Variants in CSGALNACT2 observed in about 807,000 individuals in gnomAD.
CSGALNACT2 encodes the protein chondroitin sulfate N-acetylgalactosaminyltransferase 2.
Under a neutral mutation model 55.3 loss-of-function variants are expected in CSGALNACT2, and 35 were observed. The observed-to-expected ratio is 0.63, with a 90% CI of 0.48 to 0.84. The LOEUF is 0.84. Ranked by LOEUF, CSGALNACT2 falls within the 40% of genes least tolerant of loss-of-function variation. The pLI is 0.00. For missense variants in CSGALNACT2, 544 were observed against 657.5 expected (o/e 0.83, Z 1.89); for synonymous variants, 196 against 224.9 (o/e 0.87, Z 1.15).
chr10:43,179,359 A>G (rs1224630294), intron 7 of CSGALNACT2, among the ~76,000 whole-genome samples: 1 of 147,390 alleles, frequency 6.8e-6, no homozygotes, highest in Non-Finnish European at 1.5e-5. Flanking sequence ...GCAACTCTGG[A>G]TACTGATTTC....
Position 43,157,520 on chromosome 10 carries a change from C to T in CSGALNACT2, c.662-1195C>T, listed in dbSNP as rs541856492. Among the ~76,000 whole-genome samples, 26 of 152,284 alleles carry T rather than the reference C, an allele frequency of 1.7e-4. No homozygotes were observed. In the South Asian group the frequency reaches 5.2e-3, roughly 30 times the overall value. Reference sequence around the variant, plus strand: ...ATCTGCAACCTCAGGTCTAAGACAGCAGTACTTCTGTGTGCTCTTGTCACC... The same window carrying T: ...ATCTGCAACCTCAGGTCTAAGACAGTAGTACTTCTGTGTGCTCTTGTCACC... On this transcript the variant is annotated intron_variant, in intron 2 of 7. Coordinates refer to ENST00000374466, the MANE Select transcript of CSGALNACT2 (RefSeq NM_018590.5).
intron 4 of CSGALNACT2, among the ~76,000 whole-genome samples, chr10:43,160,985 A>G (rs1479248679): frequency 6.6e-6 from 1 of 151,986 alleles, no homozygotes; most frequent in African/African-American, 2.4e-5. Flanking sequence ...GAGGTCTCCC[A>G]TATCCTTAAG....
At chr10:43,174,809 C>CT (rs2133149808) in intron 6 of CSGALNACT2, among the ~76,000 whole-genome samples, 1 of 152,304 alleles carries the variant, frequency 6.6e-6, no homozygotes, top group East Asian at 1.9e-4. Context: ...CAAACAAAGG[C>CT]GCTTTGATGG....
Position 43,158,982 on chromosome 10 carries a change from G to A in CSGALNACT2, c.878+51G>A, listed in dbSNP as rs531605632. The stretch of plus-strand genomic sequence containing the variant: ...GCTACATTCTCCTAAAAAAAATCAC[G>A]TTTTACTCAGATTTCCTTAATTTAT... On this transcript the variant is annotated intron_variant, in intron 3 of 7. Transcript: ENST00000374466. 7.3e-5 allele frequency: 79 copies of A among 1,085,656 alleles called. 1 individual carries two copies. The South Asian group carries it at 9.4e-4, about 13-fold the overall frequency. 67.3% of individuals were successfully genotyped at this position (1,085,656 alleles called of 1,614,324 possible).
chr10:43,157,296 G>C (rs1025639527), intron 2 of CSGALNACT2, among the ~76,000 whole-genome samples: 2 of 152,116 alleles, frequency 1.3e-5, no homozygotes, highest in Non-Finnish European at 2.9e-5. Flanking sequence ...TGCAGCTCCT[G>C]CTTTTGTCTT....
intron 1 of CSGALNACT2, among the ~76,000 whole-genome samples, chr10:43,146,730 CT>C (rs59606270): frequency 0.2 from 28,054 of 142,570 alleles, 2,811 homozygotes; most frequent in Middle Eastern, 0.27. Context: ...AAGATGCTGT[CT>C]TTTTTTTTTT....
chr10:43,161,027 A>G (rs75694158), intron 4 of CSGALNACT2, among the ~76,000 whole-genome samples: 6,695 of 152,220 alleles, frequency 0.044, 180 homozygotes, highest in South Asian at 0.089. Flanking sequence ...GTGCCCAGCC[A>G]CTACTGTTAT....
At chr10:43,151,930 T>G (rs1838883606) in intron 1 of CSGALNACT2, among the ~76,000 whole-genome samples, 1 of 152,236 alleles carries the variant, frequency 6.6e-6, no homozygotes, top group Non-Finnish European at 1.5e-5. Flanking sequence ...TTGTTTGTTT[T>G]TGGTTGTTTC....
chr10:43,142,225 T>A (rs1195283450), intron 1 of CSGALNACT2, among the ~76,000 whole-genome samples: 1 of 152,104 alleles, frequency 6.6e-6, no homozygotes, highest in African/African-American at 2.4e-5. Flanking sequence ...TATTTATTTA[T>A]TTTTGAGACA....
chr10:43,149,636 T>A lies in CSGALNACT2; in HGVS notation c.-253-5261T>A, dbSNP rs568698622. Among the ~76,000 whole-genome samples, 4 of 152,352 alleles carry A rather than the reference T, an allele frequency of 2.6e-5. No homozygotes were observed. The South Asian group carries it at 8.3e-4, about 32-fold the overall frequency. On this transcript the variant is annotated intron_variant, in intron 1 of 7. Transcript: ENST00000374466. The stretch of plus-strand genomic sequence containing the variant: ...GAGGATTTTTGTATTTATATTCATA[T>A]AGGATATTGGCCTATGGTTTTCTTT...
chr10:43,168,481 T>C (rs890943007), intron 6 of CSGALNACT2, among the ~76,000 whole-genome samples: 43 of 152,070 alleles, frequency 2.8e-4, no homozygotes, highest in African/African-American at 1.0e-3. Flanking sequence ...AGGTGGAAGC[T>C]CTGAAGAAAT....
chr10:43,144,465 G>A (rs1030352406), intron 1 of CSGALNACT2, among the ~76,000 whole-genome samples: 3 of 152,222 alleles, frequency 2.0e-5, no homozygotes, highest in African/African-American at 7.2e-5. Context: ...ATGTAAATAT[G>A]TAGTACTCTA....
chr10:43,168,613 C>G (rs992423676), intron 6 of CSGALNACT2, among the ~76,000 whole-genome samples: 4 of 151,692 alleles, frequency 2.6e-5, no homozygotes, highest in Non-Finnish European at 5.9e-5. Context: ...ATATGATGTA[C>G]TTAACATATT....
intron 1 of CSGALNACT2, among the ~76,000 whole-genome samples, chr10:43,154,476 G>C (rs1049996990): frequency 2.0e-5 from 3 of 152,142 alleles, no homozygotes; most frequent in African/African-American, 7.2e-5. Flanking sequence ...GCTCACACCT[G>C]TAATCCCAGC....
At chr10:43,172,968 C>T (rs117365366) in intron 6 of CSGALNACT2, among the ~76,000 whole-genome samples, 3,760 of 152,160 alleles carry the variant, frequency 0.025, 78 homozygotes, top group Non-Finnish European at 0.04. Context: ...GGAGCACAGC[C>T]GGTGAGGGGC....
rs1187091523 is a variant in CSGALNACT2 at position 43,183,377 on chromosome 10, G to A, written c.1464G>A (p.Lys488=). The A allele has an allele frequency of 1.2e-6, 2 of 1,614,140 alleles. No individual in the cohort carries two copies. Among genetic ancestry groups the A allele is most frequent in the Non-Finnish European group, 1.7e-6 (2 of 1,180,034 alleles). The change falls in exon 8 of 8, where the codon AAG becomes AAA. Residue 488 remains lysine (K), a synonymous_variant. Transcript: ENST00000374466. ...VPGLFHLWHE[K]RCADELTPEQ... The stretch of plus-strand genomic sequence containing the variant: ...GTCTTTTCCACCTCTGGCATGAAAA[G>A]CGCTGTGCTGATGAGCTGACCCCCG...
At chr10:43,145,497 T>C (rs1240984754) in intron 1 of CSGALNACT2, among the ~76,000 whole-genome samples, 1 of 146,424 alleles carries the variant, frequency 6.8e-6, no homozygotes. Context: ...ACTCCTGGGC[T>C]CAAGTGATCC....
chr10:43,148,319 G>A (rs1404793820), intron 1 of CSGALNACT2, among the ~76,000 whole-genome samples: 2 of 152,028 alleles, frequency 1.3e-5, no homozygotes, highest in Non-Finnish European at 2.9e-5. Flanking sequence ...TTTGGAATTG[G>A]GAAGTGTTTT....
Position 43,175,934 on chromosome 10 carries a change from T to G in CSGALNACT2, c.1255-17T>G. 2 of 1,580,206 alleles carry G rather than the reference T, an allele frequency of 1.3e-6. No individual in the cohort carries two copies. The highest frequency in any genetic ancestry group is 1.7e-6 in the Non-Finnish European group (2 of 1,167,426). ...TATGGAATTAAATTGTTTTCTGTTT[T>G]TTTTTTTTTAACTAAGGTTCACAAA... On this transcript the variant is annotated splice_polypyrimidine_tract_variant and intron_variant, in intron 6 of 7. Coordinates refer to ENST00000374466, the MANE Select transcript of CSGALNACT2 (RefSeq NM_018590.5).
Sources: allele counts gnomAD v4.1 joint callset (sites outside exome capture counted in the v4.1 genomes callset), GRCh38; gene constraint gnomAD v4.1.1; transcripts MANE v1.5; gene names NCBI Gene and HGNC (gene_info 2026-07-23, HGNC 2026-07-21).